The following THRB variants were observed in gnomAD, a reference collection of about 807,000 sequenced individuals.
The protein encoded by THRB is nuclear receptor subfamily 1 group A member 2.
A neutral mutation model predicts 47.8 loss-of-function variants in THRB; 12 were observed. The ratio of observed to expected loss-of-function variants is 0.25; its 90% confidence interval spans 0.16 to 0.41. The LOEUF is 0.41. Ranked by LOEUF, THRB falls within the 10% of genes least tolerant of loss-of-function variation. THRB has a pLI of 1.00. For synonymous variants in THRB, 218 were observed against 212.2 expected (o/e 1.03, Z -0.24); for missense variants, 348 against 589.2 (o/e 0.59, Z 4.24).
intron 3 of THRB, among the ~76,000 whole-genome samples, chr3:24,292,577 C>T (rs137925823): frequency 1.5e-4 from 23 of 152,256 alleles, no homozygotes; most frequent in African/African-American, 5.3e-4. Flanking sequence ...CCTGGCTCGA[C>T]GTTAAGCTTC....
chr3:24,261,400 G>A (rs1413360086), intron 3 of THRB, among the ~76,000 whole-genome samples: 2 of 150,116 alleles, frequency 1.3e-5, no homozygotes, highest in Non-Finnish European at 3.0e-5. Context: ...TCAAGAGGCT[G>A]AGGCAGGAGA....
intron 1 of THRB, among the ~76,000 whole-genome samples, chr3:24,370,449 G>A (rs2064822826): frequency 6.6e-6 from 1 of 152,056 alleles, no homozygotes. Flanking sequence ...GGACGTGTGT[G>A]AGGTGTGCAC....
chr3:24,385,989 CCTT>C (rs1385347519), intron 1 of THRB, among the ~76,000 whole-genome samples: 2 of 152,102 alleles, frequency 1.3e-5, no homozygotes, highest in Non-Finnish European at 2.9e-5. Flanking sequence ...AAAATTACTT[CCTT>C]TATCCTCTAT....
chr3:24,488,776 A>G (rs1697693606), intron 1 of THRB, among the ~76,000 whole-genome samples: 1 of 152,220 alleles, frequency 6.6e-6, no homozygotes, highest in African/African-American at 2.4e-5. Context: ...GCTTTAATAG[A>G]CAGAAGGCAC....
chr3:24,283,839 AAG>A (rs1170890222), intron 3 of THRB, among the ~76,000 whole-genome samples: 2 of 151,896 alleles, frequency 1.3e-5, no homozygotes, highest in Non-Finnish European at 1.5e-5. Flanking sequence ...AATTGCTACA[AAG>A]AGAATAAAAT....
At chr3:24,300,699 C>T (rs536681888) in intron 2 of THRB, among the ~76,000 whole-genome samples, 2 of 152,134 alleles carry the variant, frequency 1.3e-5, no homozygotes, top group Non-Finnish European at 1.5e-5. Flanking sequence ...TGGATATTAT[C>T]GCTCCTTTGA....
intron 2 of THRB, among the ~76,000 whole-genome samples, chr3:24,332,006 C>T (rs778460981): frequency 8.5e-5 from 13 of 152,238 alleles, no homozygotes; most frequent in South Asian, 2.1e-4. Flanking sequence ...TAGGTGTCTC[C>T]GCAATGTTCC....
In THRB at chr3:24,317,782, T is replaced by C. The variant is rs114066613; in HGVS notation, c.-189+19518A>G. ...GGAAAGAAGTCTAACTTCAGCCAGG[T>C]TCAGTGGCTCATGCCTGTAATCCCA... On this transcript the variant is annotated intron_variant, in intron 2 of 10. Transcript: ENST00000646209. 5.6e-3 allele frequency among the ~76,000 whole-genome samples: 858 copies of C among 152,284 alleles called. 5 individuals carry two copies. The highest frequency in any genetic ancestry group is 0.02 in the African/African-American group (817 of 41,562).
intron 8 of THRB, among the ~76,000 whole-genome samples, chr3:24,142,800 C>G (rs566556450): frequency 6.6e-6 from 1 of 152,204 alleles, no homozygotes; most frequent in East Asian, 1.9e-4. Flanking sequence ...AGGCCTTGGG[C>G]TTGGTTTGCA....
chr3:24,237,764 G>A lies in THRB; in HGVS notation c.-42-8763C>T, dbSNP rs572754855. On this transcript the variant is annotated intron_variant, in intron 3 of 10. Coordinates refer to ENST00000646209, the MANE Select transcript of THRB (RefSeq NM_001354712.2). The stretch of plus-strand genomic sequence containing the variant: ...ATACCCTTCAATGCTGGGTTCTGGG[G>A]CTACAAGCAGAGTAAAATCCGATTC... Among the ~76,000 whole-genome samples, 80 of 152,236 alleles carry A rather than the reference G, an allele frequency of 5.3e-4. 1 individual carries two copies. The highest frequency in any genetic ancestry group is 1.9e-3 in the African/African-American group (79 of 41,540).
At chr3:24,441,071 C>G (rs945521643) in intron 1 of THRB, among the ~76,000 whole-genome samples, 2 of 152,092 alleles carry the variant, frequency 1.3e-5, no homozygotes, top group African/African-American at 4.8e-5. Context: ...CAGTTCTTTG[C>G]AATTGCAGGA....
chr3:24,189,381 A>C (rs905393020), intron 5 of THRB, among the ~76,000 whole-genome samples: 1 of 152,210 alleles, frequency 6.6e-6, no homozygotes, highest in Non-Finnish European at 1.5e-5. Flanking sequence ...TGAAAGACAC[A>C]AATTGATTTA....
intron 3 of THRB, among the ~76,000 whole-genome samples, chr3:24,250,103 A>G (rs1423187776): frequency 6.6e-6 from 1 of 152,200 alleles, no homozygotes; most frequent in African/African-American, 2.4e-5. Flanking sequence ...TCATAGTTAT[A>G]AGAAACAAAA....
At chr3:24,202,236 G>T (rs1259864211) in intron 4 of THRB, among the ~76,000 whole-genome samples, 2 of 152,166 alleles carry the variant, frequency 1.3e-5, no homozygotes, top group East Asian at 1.9e-4. Context: ...GGAAGAGCTG[G>T]GATGAGTCTT....
chr3:24,226,126 T>C (rs2047628603), intron 4 of THRB, among the ~76,000 whole-genome samples: 1 of 152,214 alleles, frequency 6.6e-6, no homozygotes, highest in Non-Finnish European at 1.5e-5. Flanking sequence ...ATAGATTCCA[T>C]ATTAACTACT....
chr3:24,280,485 GA>G (rs1257625837), intron 3 of THRB, among the ~76,000 whole-genome samples: 1 of 152,130 alleles, frequency 6.6e-6, no homozygotes, highest in East Asian at 1.9e-4. Context: ...CAAAGATGGG[GA>G]AAAAACAGAG....
At chr3:24,253,007 A>G (rs2050821124) in intron 3 of THRB, among the ~76,000 whole-genome samples, 1 of 152,156 alleles carries the variant, frequency 6.6e-6, no homozygotes, top group Non-Finnish European at 1.5e-5. Context: ...AGGATTTGGT[A>G]TCTATTCAAA....
intron 3 of THRB, among the ~76,000 whole-genome samples, chr3:24,251,536 T>A (rs2050668879): frequency 1.3e-5 from 2 of 152,056 alleles, no homozygotes; most frequent in African/African-American, 4.8e-5. Context: ...AGGATTAGAA[T>A]AATTATAAGA....
At chr3:24,418,256 A>C (rs1028489285) in intron 1 of THRB, among the ~76,000 whole-genome samples, 2 of 151,490 alleles carry the variant, frequency 1.3e-5, no homozygotes, top group Non-Finnish European at 3.0e-5. Context: ...TAAAAAAAAA[A>C]AAACCTGTAT....
Sources: gnomAD v4.1 joint callset for allele counts (sites outside exome capture counted in the v4.1 genomes callset) on GRCh38, gnomAD v4.1.1 for gene constraint, MANE v1.5 for transcripts, NCBI Gene and HGNC (gene_info 2026-07-23, HGNC 2026-07-21) for gene names.